TNNI3K: variants seen among roughly 807,000 people sequenced by gnomAD.
The protein encoded by TNNI3K is serine/threonine-protein kinase TNNI3K.
TNNI3K carries 140 observed loss-of-function variants against 114.5 expected under a neutral mutation model. The ratio of observed to expected loss-of-function variants is 1.22; its 90% CI spans 1.07 to 1.41. TNNI3K has a LOEUF of 1.41. Ranked by LOEUF, TNNI3K falls within the 40% of genes most tolerant of loss-of-function variation. TNNI3K has a pLI of 0.00. For synonymous variants in TNNI3K, 347 were observed against 347.5 expected (o/e 1.00, Z 0.02); for missense variants, 1,125 against 1,007.6 (o/e 1.12, Z -1.58).
At chr1:74,477,747 CA>C (rs1668276951) in intron 21 of TNNI3K, among the ~76,000 whole-genome samples, 1 of 152,168 alleles carries the variant, frequency 6.6e-6, no homozygotes, top group Non-Finnish European at 1.5e-5. Flanking sequence ...GTGCAGAAAG[CA>C]AAAGCAGCAA....
chr1:74,400,682 C>T (rs1305388431), intron 17 of TNNI3K, among the ~76,000 whole-genome samples: 3 of 152,246 alleles, frequency 2.0e-5, no homozygotes, highest in Non-Finnish European at 4.4e-5. Context: ...CCTCTTGCTT[C>T]TCTAGGGAGG....
chr1:74,471,118 C>G (rs1487399029), intron 21 of TNNI3K: 28 of 400,614 alleles, frequency 7.0e-5, no homozygotes, highest in African/African-American at 4.5e-4. Context: ...TGATGTGTTT[C>G]CATCAGGAAT....
Position 74,370,357 on chromosome 1 carries a change from C to A in TNNI3K, c.1737C>A (p.Asn579Lys). The A allele has an allele frequency of 6.2e-7, 1 of 1,607,602 alleles. No individual in the cohort carries two copies. The highest frequency in any genetic ancestry group is 8.5e-7 in the Non-Finnish European group (1 of 1,176,106). The change falls in exon 17 of 25, where the codon AAC becomes AAA. Residue 579 changes from asparagine to lysine, a missense_variant. Transcript: ENST00000326637. The part of the protein sequence containing the change: ...DVAKGMEYLH[N>K]LTQPIIHRDL... ...CCAAAGGCATGGAGTACCTTCACAA[C>A]CTGACACAGCCAATTATACATCGTG... is the stretch of plus-strand genomic sequence containing the variant.
intron 5 of TNNI3K, among the ~76,000 whole-genome samples, chr1:74,293,368 A>G (rs78839781): frequency 0.032 from 4,873 of 151,752 alleles, 256 homozygotes; most frequent in African/African-American, 0.11. Context: ...AAGCTTTACA[A>G]TGAGTTTTGA....
chr1:74,337,690 C>T (rs1316024100), intron 7 of TNNI3K, among the ~76,000 whole-genome samples: 1 of 151,736 alleles, frequency 6.6e-6, no homozygotes, highest in Admixed American at 6.6e-5. Flanking sequence ...TGAAATTTTC[C>T]CTTATCTTAT....
chr1:74,286,005 A>G (rs920333156), intron 5 of TNNI3K, among the ~76,000 whole-genome samples: 2 of 152,198 alleles, frequency 1.3e-5, no homozygotes, highest in African/African-American at 4.8e-5. Context: ...CTATCCACAC[A>G]TAAAAATACC....
At position 74,369,527 on chromosome 1, in the gene TNNI3K, A is replaced by G. The variant is rs2100520775; in HGVS notation, c.1609A>G (p.Ile537Val). 6.2e-7 allele frequency: 1 copy of G among 1,612,644 alleles called. No homozygotes were observed. The highest frequency in any genetic ancestry group is 8.5e-7 in the Non-Finnish European group (1 of 1,179,100). Reference sequence around the variant, plus strand: ...CTTGAATGATCCCAGCCAGTTTGCCATTGTCACTCAATACATATCAGGGGG... The same window carrying G: ...CTTGAATGATCCCAGCCAGTTTGCCGTTGTCACTCAATACATATCAGGGGG... ...ACLNDPSQFA[I>V]VTQYISGGSL... The change falls in exon 16 of 25, where the codon ATT becomes GTT. Residue 537 changes from isoleucine to valine, a missense_variant. Ile to Val is a conservative substitution (Grantham distance 29). Coordinates refer to ENST00000326637, the MANE Select transcript of TNNI3K (RefSeq NM_015978.3).
intron 23 of TNNI3K, 57 bp from the exon 24 acceptor site, chr1:74,540,177 T>C (rs1003672576): frequency 6.3e-7 from 1 of 1,576,666 alleles, no homozygotes; most frequent in Non-Finnish European, 8.6e-7. Flanking sequence ...TCTGTGTTTA[T>C]AAAAATGTTA....
chr1:74,382,327 T>C (rs1663245130), intron 17 of TNNI3K, among the ~76,000 whole-genome samples: 1 of 152,176 alleles, frequency 6.6e-6, no homozygotes, highest in Admixed American at 6.6e-5. Flanking sequence ...AGAAATACCC[T>C]TGTGATTAAT....
rs959752669 is a variant in TNNI3K at position 74,467,196 on chromosome 1, T to C, written c.2121+3646T>C. ...AGGAGAACAGATACAAGGGAAAGAC[T>C]AGTAGCAGTTGCAACATTGTAGCCA... On this transcript the variant is annotated intron_variant, in intron 21 of 24. Coordinates refer to ENST00000326637, the MANE Select transcript of TNNI3K (RefSeq NM_015978.3). Among the ~76,000 whole-genome samples, 4 of 152,198 alleles carry C rather than the reference T, an allele frequency of 2.6e-5. No homozygotes were observed. The South Asian group carries it at 8.3e-4, about 31-fold the overall frequency.
intron 20 of TNNI3K, among the ~76,000 whole-genome samples, chr1:74,451,397 C>T (rs1666986515): frequency 6.6e-6 from 1 of 151,990 alleles, no homozygotes; most frequent in African/African-American, 2.4e-5. Context: ...TTCCCGAGAA[C>T]TTAATAAAAT....
rs865876481 is a variant in TNNI3K at position 74,450,311 on chromosome 1, C to G, written c.2011+10689C>G. Among the ~76,000 whole-genome samples, 83 of 151,606 alleles carry G rather than the reference C, an allele frequency of 5.5e-4. 2 individuals are homozygous for G. The highest frequency in any genetic ancestry group is 1.9e-3 in the African/African-American group (79 of 41,330). On this transcript the variant is annotated intron_variant, in intron 20 of 24. Transcript: ENST00000326637. ...GCCCACAAGAGAAAGCAGGAAAGATCCAAAATTGACACCCTAACATCACAA... is the reference window on the plus strand; with the variant it reads ...GCCCACAAGAGAAAGCAGGAAAGATGCAAAATTGACACCCTAACATCACAA...
chr1:74,427,450 A>T (rs533161215), intron 17 of TNNI3K, among the ~76,000 whole-genome samples: 4 of 152,044 alleles, frequency 2.6e-5, no homozygotes, highest in Admixed American at 2.6e-4. Context: ...AAAATCTCCC[A>T]CATTGTTCAC....
intron 7 of TNNI3K, among the ~76,000 whole-genome samples, chr1:74,338,286 G>C (rs1451103080): frequency 6.6e-6 from 1 of 151,640 alleles, no homozygotes; most frequent in African/African-American, 2.4e-5. Context: ...GAAAAAGAAA[G>C]CTTTAGAATA....
At chr1:74,259,980 A>G (rs114361351) in intron 4 of TNNI3K, among the ~76,000 whole-genome samples, 3,494 of 152,278 alleles carry the variant, frequency 0.023, 68 homozygotes, top group Non-Finnish European at 0.03. Context: ...GCCATTTTAG[A>G]TAACTCCATT....
intron 21 of TNNI3K, among the ~76,000 whole-genome samples, chr1:74,465,567 G>A (rs1166682610): frequency 2.0e-5 from 3 of 152,158 alleles, no homozygotes; most frequent in African/African-American, 7.2e-5. Flanking sequence ...TGCGTGGCCC[G>A]AGCCTCTCCT....
intron 20 of TNNI3K, among the ~76,000 whole-genome samples, chr1:74,449,894 A>G (rs1308740216): frequency 7.7e-6 from 1 of 130,590 alleles, no homozygotes; most frequent in African/African-American, 3.1e-5. Flanking sequence ...TCAGCTCTGC[A>G]CCAAGCGGAC....
intron 5 of TNNI3K, among the ~76,000 whole-genome samples, chr1:74,311,737 A>T (rs45477794): frequency 0.054 from 8,185 of 152,220 alleles, 720 homozygotes; most frequent in African/African-American, 0.19. Context: ...TCTGCAAATG[A>T]AATTTTAGCC....
intron 4 of TNNI3K, among the ~76,000 whole-genome samples, chr1:74,253,379 G>C (rs1416231786): frequency 1.3e-5 from 2 of 152,182 alleles, no homozygotes; most frequent in African/African-American, 4.8e-5. Flanking sequence ...GGGGCACTGT[G>C]GAGCAGGGGG....
Sources: allele counts gnomAD v4.1 joint callset (sites outside exome capture counted in the v4.1 genomes callset), GRCh38; gene constraint gnomAD v4.1.1; transcripts MANE v1.5; gene names NCBI Gene and HGNC (gene_info 2026-07-23, HGNC 2026-07-21).